Variants in HERC2 observed in about 807,000 individuals in gnomAD.
HERC2 encodes the protein HECT and RLD domain containing E3 ubiquitin protein ligase 2, also known as E3 ubiquitin-protein ligase HERC2.
A neutral mutation model predicts 537.7 loss-of-function variants in HERC2; 102 were observed. The observed-to-expected ratio is 0.19, with a 90% CI of 0.16 to 0.22. The LOEUF is 0.22. HERC2 is among the 10% of genes least tolerant of loss of function. The pLI, the probability that HERC2 is intolerant of heterozygous loss-of-function variation, is 1.00. For synonymous variants in HERC2, 2,224 were observed against 2,466.2 expected (o/e 0.90, Z 2.91); for missense variants, 4,236 against 6,198.2 (o/e 0.68, Z 10.63).
intron 68 of HERC2, among the ~76,000 whole-genome samples, chr15:28,166,182 A>T (rs1894118961): frequency 1.3e-5 from 2 of 152,250 alleles, no homozygotes; most frequent in Admixed American, 1.3e-4. Context: ...TATGAAGCCA[A>T]TATTGCTATA....
At chr15:28,201,974 C>T (rs1365574087) in intron 47 of HERC2, 139 bp downstream of exon 47, 17 of 991,240 alleles carry the variant, frequency 1.7e-5, no homozygotes, top group South Asian at 2.9e-5. Flanking sequence ...CCCGGCAATA[C>T]CATAGGTTGG....
chr15:28,115,875 G>A (rs1027106163), intron 88 of HERC2, among the ~76,000 whole-genome samples: 5 of 152,236 alleles, frequency 3.3e-5, no homozygotes, highest in African/African-American at 1.2e-4. Flanking sequence ...TGCCCAGGAG[G>A]TGCTGGCTGT....
At chr15:28,271,019 T>A in intron 9 of HERC2, 151 bp from the exon 10 acceptor site, 2 of 676,690 alleles carry the variant, frequency 3.0e-6, no homozygotes, top group Non-Finnish European at 5.1e-6. Context: ...TACATCTATA[T>A]ATTTATGCAG....
chr15:28,238,021 A>G (rs1006551306), intron 25 of HERC2, 93 bp downstream of exon 25: 9 of 864,680 alleles, frequency 1.0e-5, no homozygotes, highest in African/African-American at 8.2e-5. Context: ...AAAGACCCAG[A>G]TATCAGTACT....
chr15:28,268,944 G>A lies in HERC2; in HGVS notation c.1446+304C>T, dbSNP rs1042768063. Among the ~76,000 whole-genome samples the A allele has an allele frequency of 6.6e-6, 1 of 152,070 alleles. No homozygotes were observed. Among genetic ancestry groups the A allele is most frequent in the Non-Finnish European group, 1.5e-5 (1 of 68,016 alleles). On this transcript the variant is annotated intron_variant, in intron 11 of 92. Transcript: ENST00000261609. This position sits in a 1 kb window ranked among gnomAD's most constrained non-coding sequence, Gnocchi z 4.7. The stretch of plus-strand genomic sequence containing the variant: ...CGTCCCAATTTGCCACTATCCCCAC[G>A]AGGCCCAACTCCCTCACCTGTCACC...
intron 83 of HERC2, among the ~76,000 whole-genome samples, chr15:28,127,545 T>C (rs186068026): frequency 6.6e-6 from 1 of 152,296 alleles, no homozygotes; most frequent in East Asian, 1.9e-4. Flanking sequence ...TTCCCTGGCT[T>C]TGTCCACTGA....
At chr15:28,267,191 A>C (rs1567093229) in intron 12 of HERC2, among the ~76,000 whole-genome samples, 1 of 152,156 alleles carries the variant, frequency 6.6e-6, no homozygotes, top group African/African-American at 2.4e-5. Context: ...CAAAATACAC[A>C]CAGTGGCACA....
At chr15:28,140,067 C>CA (rs879713576) in intron 78 of HERC2, among the ~76,000 whole-genome samples, 2,568 of 114,642 alleles carry the variant, frequency 0.022, 67 homozygotes, top group African/African-American at 0.072. Context: ...GACTCTGTCT[C>CA]AAAAAAAAAA....
In HERC2 at chr15:28,301,980, G is replaced by A. The variant is rs2076650410; in HGVS notation, c.73-2464C>T. 2.0e-5 allele frequency among the ~76,000 whole-genome samples: 3 copies of A among 149,034 alleles called. No individual in the cohort carries two copies. The Admixed American group carries it at 2.0e-4, about 10-fold the overall frequency. ...ACACCCAGCTAATTTTTGTATTTTT[G>A]GTAGAGATGGGGTTTCACCGTGTTG... On this transcript the variant is annotated intron_variant, in intron 2 of 92. Coordinates refer to ENST00000261609, the MANE Select transcript of HERC2 (RefSeq NM_004667.6).
rs1266401428 is a variant in HERC2 at position 28,245,564 on chromosome 15, TATACAC to T, written c.3577+311_3577+316del. 4.9e-3 allele frequency among the ~76,000 whole-genome samples: 530 copies of T among 108,956 alleles called. 7 individuals are homozygous for T. The highest frequency in any genetic ancestry group is 0.018 in the African/African-American group (344 of 19,592). 71.5% of individuals were successfully genotyped at this position (108,956 alleles called of 152,430 possible). A position where few individuals can be genotyped will look rare whatever the true frequency, so the allele number is the denominator to read the frequency against. On this transcript the variant is annotated intron_variant, in intron 23 of 92. Coordinates refer to ENST00000261609, the MANE Select transcript of HERC2 (RefSeq NM_004667.6). The stretch of plus-strand genomic sequence containing the variant: ...GTAGTGTCAAAAAAAAAAAAAAATA[TATACAC>T]ACACACACACACACACACACACACA...
chr15:28,231,105 C>T (rs2525985), intron 30 of HERC2, among the ~76,000 whole-genome samples: 153 of 152,042 alleles, frequency 1.0e-3, no homozygotes, highest in Non-Finnish European at 1.6e-3. Context: ...GAATTCACTG[C>T]GATATGTGGA....
intron 66 of HERC2, among the ~76,000 whole-genome samples, chr15:28,169,236 G>A (rs1286986311): frequency 2.0e-5 from 3 of 152,026 alleles, no homozygotes; most frequent in Non-Finnish European, 2.9e-5. Context: ...TTGATGGTTC[G>A]AGTCTACTGG....
chr15:28,184,736 C>A (rs1490953440), intron 56 of HERC2, among the ~76,000 whole-genome samples: 1 of 151,506 alleles, frequency 6.6e-6, no homozygotes, highest in African/African-American at 2.4e-5. Flanking sequence ...GCGGCGTGCA[C>A]CTGTAGTCCC....
intron 14 of HERC2, among the ~76,000 whole-genome samples, chr15:28,264,567 C>T (rs890919984): frequency 2.0e-5 from 3 of 152,146 alleles, no homozygotes; most frequent in African/African-American, 7.2e-5. Context: ...AGCAGGGACA[C>T]TTCCCTACAA....
intron 4 of HERC2, among the ~76,000 whole-genome samples, chr15:28,281,501 C>G (rs2076018949): frequency 1.3e-5 from 2 of 152,142 alleles, no homozygotes; most frequent in African/African-American, 4.8e-5. Flanking sequence ...GCTGCCTCCC[C>G]TTGTGCAGAA....
chr15:28,301,119 GT>G (rs1202831192), intron 2 of HERC2, among the ~76,000 whole-genome samples: 1 of 151,752 alleles, frequency 6.6e-6, no homozygotes, highest in Non-Finnish European at 1.5e-5. Context: ...AGAAAAAGCT[GT>G]TTCCTCAAAC....
At chr15:28,199,644 T>C (rs1363857831) in intron 48 of HERC2, among the ~76,000 whole-genome samples, 1 of 152,108 alleles carries the variant, frequency 6.6e-6, no homozygotes, top group African/African-American at 2.4e-5. Flanking sequence ...ACTGGAGCTA[T>C]GAGATGGATA....
At chr15:28,298,004 A>ATT (rs1385015850) in intron 3 of HERC2, among the ~76,000 whole-genome samples, 30 of 126,138 alleles carry the variant, frequency 2.4e-4, no homozygotes, top group Admixed American at 7.3e-4. Flanking sequence ...TCTGTCAGTT[A>ATT]TTGTGTGTGT....
intron 2 of HERC2, among the ~76,000 whole-genome samples, chr15:28,312,004 T>A (rs2076958027): frequency 6.6e-6 from 1 of 152,192 alleles, no homozygotes; most frequent in African/African-American, 2.4e-5. Flanking sequence ...AGGAAGAGGA[T>A]AGGCCAGACC....
Sources: gnomAD v4.1 joint callset for allele counts (sites outside exome capture counted in the v4.1 genomes callset) on GRCh38, gnomAD v4.1.1 for gene constraint, Gnocchi (gnomAD v3.1) non-coding constraint, MANE v1.5 for transcripts, NCBI Gene and HGNC (gene_info 2026-07-23, HGNC 2026-07-21) for gene names.